The following TANC2 variants were observed in gnomAD, a reference collection of about 807,000 sequenced individuals.
The protein encoded by TANC2 is protein TANC2.
A neutral mutation model predicts 210.5 loss-of-function variants in TANC2; 26 were observed. That is an observed-to-expected ratio of 0.12 (90% CI 0.09 to 0.17). TANC2 has a LOEUF of 0.17. Among genes scored for constraint, TANC2 ranks in the 10% least tolerant of loss-of-function variants. The probability of loss-of-function intolerance (pLI) is 1.00; values close to 1 mark genes in which losing one functional copy is unlikely to be tolerated. For missense variants in TANC2, 2,129 were observed against 2,608.9 expected (o/e 0.82, Z 4.01); for synonymous variants, 931 against 967.1 (o/e 0.96, Z 0.69).
chr17:62,995,330 C>G (rs948347332), intron 1 of TANC2, among the ~76,000 whole-genome samples: 1 of 152,164 alleles, frequency 6.6e-6, no homozygotes, highest in Non-Finnish European at 1.5e-5. Context: ...ATGTAAGGAT[C>G]CAGAATCGGG....
At chr17:63,226,621 C>T (rs1396216588) in intron 7 of TANC2, among the ~76,000 whole-genome samples, 1 of 152,040 alleles carries the variant, frequency 6.6e-6, no homozygotes, top group Admixed American at 6.6e-5. Context: ...TTAAAAATTT[C>T]CAGGATACAC....
chr17:63,407,217 C>T (rs1190161255), intron 21 of TANC2, among the ~76,000 whole-genome samples: 3 of 152,202 alleles, frequency 2.0e-5, no homozygotes, highest in African/African-American at 7.2e-5. Flanking sequence ...CAGACTCAGA[C>T]TCAAGGCTGG....
chr17:63,094,932 A>G (rs1005192327), intron 3 of TANC2, among the ~76,000 whole-genome samples: 2 of 146,290 alleles, frequency 1.4e-5, no homozygotes, highest in African/African-American at 5.6e-5. Flanking sequence ...GAAAATAAAT[A>G]TTGAGTAATG....
At chr17:63,291,800 T>C (rs2044390890) in intron 9 of TANC2, among the ~76,000 whole-genome samples, 1 of 152,002 alleles carries the variant, frequency 6.6e-6, no homozygotes, top group Non-Finnish European at 1.5e-5. Flanking sequence ...AGGCTTAGAG[T>C]GAACCAGCAA....
intron 11 of TANC2, among the ~76,000 whole-genome samples, chr17:63,321,251 CT>C (rs1407467490): frequency 6.6e-6 from 1 of 151,828 alleles, no homozygotes; most frequent in Non-Finnish European, 1.5e-5. Context: ...ATTTTCTTAA[CT>C]TTTCTGTTTT....
intron 4 of TANC2, among the ~76,000 whole-genome samples, chr17:63,135,841 A>G (rs1328264791): frequency 6.6e-6 from 1 of 152,176 alleles, no homozygotes; most frequent in Non-Finnish European, 1.5e-5. Flanking sequence ...TATTGTCAAA[A>G]ACCTAGTACT....
chr17:63,177,264 C>CAAA lies in TANC2; in HGVS notation c.434-16710_434-16708dup, dbSNP rs755034454. Reference sequence around the variant, plus strand: ...TGGGTGACAGAGTGAGACTCTGTCTCAAAAAAAAAAAAAAAAAAACACAAA... The same window carrying CAAA: ...TGGGTGACAGAGTGAGACTCTGTCTCAAAAAAAAAAAAAAAAAAAAAACACAAA... On this transcript the variant is annotated intron_variant, in intron 5 of 27. Transcript: ENST00000689528. Among the ~76,000 whole-genome samples the CAAA allele has an allele frequency of 1.1e-3, 79 of 73,196 alleles. 3 individuals are homozygous for CAAA. The highest frequency in any genetic ancestry group is 3.4e-3 in the African/African-American group (64 of 18,552). 48.0% of individuals were successfully genotyped at this position (73,196 alleles called of 152,430 possible).
intron 7 of TANC2, among the ~76,000 whole-genome samples, chr17:63,203,274 T>G (rs927771652): frequency 6.6e-6 from 1 of 152,184 alleles, no homozygotes; most frequent in Non-Finnish European, 1.5e-5. Context: ...TTACATCAAA[T>G]TCATTTGGCT....
At chr17:63,057,630 G>C (rs1037770792) in intron 2 of TANC2, among the ~76,000 whole-genome samples, 3 of 151,844 alleles carry the variant, frequency 2.0e-5, no homozygotes, top group African/African-American at 7.3e-5. Flanking sequence ...TTCCCTCTTT[G>C]TTTCCATGTG....
chr17:63,227,845 CATTT>C (rs2042368505), intron 7 of TANC2, among the ~76,000 whole-genome samples: 1 of 152,080 alleles, frequency 6.6e-6, no homozygotes, highest in South Asian at 2.1e-4. Context: ...CTCCCAGCAC[CATTT>C]ATTTATTTAT....
chr17:63,068,579 A>G (rs1318600045), intron 2 of TANC2, among the ~76,000 whole-genome samples: 1 of 152,222 alleles, frequency 6.6e-6, no homozygotes, highest in African/African-American at 2.4e-5. Flanking sequence ...GAGAATAGAT[A>G]CAATTGATAT....
chr17:63,185,992 G>A (rs148362022), intron 5 of TANC2, among the ~76,000 whole-genome samples: 5 of 152,188 alleles, frequency 3.3e-5, no homozygotes, highest in African/African-American at 1.2e-4. Flanking sequence ...TATTTACCTA[G>A]TTCTAGGTCA....
At chr17:63,063,575 T>TGTGTGTGTGTGTGTGTAG (rs142486219) in intron 2 of TANC2, among the ~76,000 whole-genome samples, 97 of 132,588 alleles carry the variant, frequency 7.3e-4, no homozygotes, top group Non-Finnish European at 8.4e-4. Flanking sequence ...TGTGTGTGTG[T>TGTGTGTGTGTGTGTGTAG]AGATATATCT....
intron 2 of TANC2, among the ~76,000 whole-genome samples, chr17:63,012,193 A>T (rs1037793424): frequency 7.4e-4 from 112 of 151,034 alleles, no homozygotes; most frequent in Non-Finnish European, 1.6e-4. Context: ...ATTTTTTTTT[A>T]AATTTTTTGT....
intron 2 of TANC2, among the ~76,000 whole-genome samples, chr17:63,046,613 C>A (rs577051906): frequency 6.6e-6 from 1 of 151,812 alleles, no homozygotes; most frequent in Non-Finnish European, 1.5e-5. Flanking sequence ...AGCCACCACA[C>A]CCGGCCTTTA....
chr17:63,221,637 T>C (rs1389084604), intron 7 of TANC2, among the ~76,000 whole-genome samples: 1 of 152,128 alleles, frequency 6.6e-6, no homozygotes, highest in African/African-American at 2.4e-5. Flanking sequence ...GATGAAAGCA[T>C]ATGAATAACA....
chr17:63,159,014 G>A (rs534964523), intron 5 of TANC2, among the ~76,000 whole-genome samples: 1 of 152,284 alleles, frequency 6.6e-6, no homozygotes, highest in South Asian at 2.1e-4. Flanking sequence ...TCTCCGTAGG[G>A]CAGCACACAA....
chr17:63,046,719 G>A (rs1169521542), intron 2 of TANC2, among the ~76,000 whole-genome samples: 2 of 151,998 alleles, frequency 1.3e-5, no homozygotes, highest in Admixed American at 1.3e-4. Context: ...ACCCACAAGT[G>A]CATGGTATTA....
In TANC2 at chr17:63,248,317, G is replaced by GA. The variant is rs140358785; in HGVS notation, c.1033+10248dup. On this transcript the variant is annotated intron_variant, in intron 8 of 27. Coordinates refer to ENST00000689528, the Ensembl canonical transcript of TANC2. ...CAAATATGAAGTGAGCTTGAAATAG[G>GA]AAAAAAAAGTATATTCACACTTATT... Among the ~76,000 whole-genome samples, 1,310 of 151,590 alleles carry GA rather than the reference G, an allele frequency of 8.6e-3. 16 individuals carry two copies. The highest frequency in any genetic ancestry group is 0.028 in the African/African-American group (1,165 of 41,406).
Sources: allele counts gnomAD v4.1 joint callset (sites outside exome capture counted in the v4.1 genomes callset), GRCh38; gene constraint gnomAD v4.1.1; transcripts MANE v1.5; gene names NCBI Gene and HGNC (gene_info 2026-07-23, HGNC 2026-07-21).